ENPP2: variants seen among roughly 807,000 people sequenced by gnomAD.
ENPP2 encodes the protein autotaxin.
Under a neutral mutation model 120.2 loss-of-function variants are expected in ENPP2, and 51 were observed. The observed-to-expected ratio is 0.42, with a 90% CI of 0.34 to 0.54. The LOEUF is 0.54. ENPP2 is among the 20% of genes least tolerant of loss of function. The pLI is 0.04. For synonymous variants in ENPP2, 365 were observed against 366.4 expected, an observed-to-expected ratio of 1.00 and a Z score of 0.04; for missense variants, 920 against 1,066.5, an observed-to-expected ratio of 0.86 and a Z score of 1.91.
At chr8:119,654,135 G>C (rs1043472456) in intron 1 of ENPP2, among the ~76,000 whole-genome samples, 1 of 141,282 alleles carries the variant, frequency 7.1e-6, no homozygotes, top group Non-Finnish European at 1.5e-5. Flanking sequence ...ATTATATACA[G>C]AGATATAATA....
At chr8:119,584,115 T>A (rs1216255333) in intron 15 of ENPP2, 66 bp from the exon 16 acceptor site, 1 of 1,108,350 alleles carries the variant, frequency 9.0e-7, no homozygotes, top group Non-Finnish European at 1.4e-6. Context: ...AAAAGGTAAT[T>A]TCAGGGTACA....
intron 23 of ENPP2, among the ~76,000 whole-genome samples, chr8:119,564,444 G>A (rs764008566): frequency 5.3e-5 from 8 of 152,140 alleles, no homozygotes; most frequent in South Asian, 2.1e-4. Context: ...TTGGGAGGCC[G>A]AGGAGGGTAG....
In ENPP2 at chr8:119,652,154, T is replaced by C. The variant is rs141078139; in HGVS notation, c.22-13627A>G. Among the ~76,000 whole-genome samples the C allele has an allele frequency of 4.7e-4, 71 of 152,220 alleles. No individual in the cohort carries two copies. The East Asian group carries it at 0.013, about 28-fold the overall frequency. On this transcript the variant is annotated intron_variant, in intron 1 of 25. Coordinates refer to the ENPP2 transcript ENST00000427067. ...TGTGTCTGGTAAGGACCCCACTTCC[T>C]CATAGAAAGCTGTCTTCTCACTGTA...
intron 19 of ENPP2, among the ~76,000 whole-genome samples, chr8:119,577,337 G>T (rs555819425): frequency 2.0e-5 from 3 of 152,140 alleles, no homozygotes; most frequent in African/African-American, 7.2e-5. Context: ...CACATACATG[G>T]TGGTTCACAT....
chr8:119,645,815 CAA>C (rs57853579), intron 1 of ENPP2, among the ~76,000 whole-genome samples: 34 of 97,578 alleles, frequency 3.5e-4, no homozygotes, highest in Admixed American at 4.4e-4. Context: ...AACTCAATCT[CAA>C]AAAAAAAAAA....
At chr8:119,607,508 T>C (rs556138384) in intron 9 of ENPP2, among the ~76,000 whole-genome samples, 28 of 152,168 alleles carry the variant, frequency 1.8e-4, no homozygotes, top group Non-Finnish European at 3.7e-4. Context: ...ACCCTGTCTC[T>C]ACTAAAGATA....
intron 24 of ENPP2, among the ~76,000 whole-genome samples, chr8:119,560,569 A>T (rs990675367): frequency 9.9e-5 from 15 of 152,178 alleles, no homozygotes; most frequent in Admixed American, 3.3e-4. Flanking sequence ...ACTCCTGTGA[A>T]TCTTGCCTAA....
At chr8:119,613,392 C>T (rs1032270934) in intron 8 of ENPP2, among the ~76,000 whole-genome samples, 1 of 152,126 alleles carries the variant, frequency 6.6e-6, no homozygotes, top group Non-Finnish European at 1.5e-5. Context: ...TGTACAATTG[C>T]CTCATCCCAT....
rs112823095 is a variant in ENPP2, at chr8:119,582,465, A to G, written c.1681T>C (p.Ser561Pro). Residue 561 changes from serine to proline, a missense_variant, in exon 18 of 25, where the codon TCT (serine) becomes CCT (proline). Ser to Pro is a moderately conservative substitution (Grantham distance 74). Coordinates refer to ENST00000075322, the MANE Select transcript of ENPP2 (RefSeq NM_001040092.3). Reference sequence around the variant, plus strand: ...CAAGTGCAGCCCAGGTCAAAATCAGACTGAAGGTACATAATCCCTGGATAA... The same window carrying G: ...CAAGTGCAGCCCAGGTCAAAATCAGGCTGAAGGTACATAATCCCTGGATAA... ...PNYPGIMYLQ[S>P]DFDLGCTCDD... is the part of the protein sequence containing the mutation. 6.2e-7 allele frequency: 1 copy of G among 1,614,142 alleles called. No individual in the cohort carries two copies. The highest frequency in any genetic ancestry group is 8.5e-7 in the Non-Finnish European group (1 of 1,179,988).
At chr8:119,609,839 G>A (rs917840392) in intron 8 of ENPP2, among the ~76,000 whole-genome samples, 5 of 152,138 alleles carry the variant, frequency 3.3e-5, no homozygotes, top group Admixed American at 2.0e-4. Flanking sequence ...TGAAATTTAA[G>A]ATTAATATGG....
rs192795233 is a variant in ENPP2 at position 119,635,726 on chromosome 8, C to A, written c.136+2699G>T. ...ATAAGTAGCTTTTCTCATTTCATAT[C>A]TCCTAATAAATCTATAAATCTTTTA... On this transcript the variant is annotated intron_variant, in intron 2 of 24. Coordinates refer to ENST00000075322, the MANE Select transcript of ENPP2 (RefSeq NM_001040092.3). Among the ~76,000 whole-genome samples the A allele has an allele frequency of 1.1e-4, 16 of 152,310 alleles. No homozygotes were observed. The East Asian group carries it at 3.1e-3, about 29-fold the overall frequency.
chr8:119,570,018 C>T (rs940503777), intron 20 of ENPP2, among the ~76,000 whole-genome samples: 3 of 152,078 alleles, frequency 2.0e-5, no homozygotes, highest in Non-Finnish European at 4.4e-5. Flanking sequence ...CCTGTAATCC[C>T]AGCACTTTGG....
intron 5 of ENPP2, among the ~76,000 whole-genome samples, 181 bp from the exon 6 acceptor site, chr8:119,617,744 T>A (rs904479056): frequency 2.0e-5 from 3 of 151,918 alleles, no homozygotes; most frequent in African/African-American, 7.3e-5. Context: ...AGGTCAGGAG[T>A]TCGAGACCAG....
chr8:119,581,597 GA>G (rs1812741653), intron 18 of ENPP2, among the ~76,000 whole-genome samples: 1 of 152,026 alleles, frequency 6.6e-6, no homozygotes. Flanking sequence ...CCATGTTTTG[GA>G]AACTTACTCC....
intron 12 of ENPP2, among the ~76,000 whole-genome samples, chr8:119,591,032 A>G (rs1353463350): frequency 2.0e-5 from 3 of 150,792 alleles, no homozygotes; most frequent in East Asian, 1.9e-4. Context: ...GGTTGCATCA[A>G]ACTCTTCCCA....
chr8:119,604,067 G>A (rs112476122), intron 9 of ENPP2, among the ~76,000 whole-genome samples: 14 of 142,368 alleles, frequency 9.8e-5, no homozygotes, highest in Admixed American at 1.5e-4. Flanking sequence ...TTGCTCTGTC[G>A]CCTAGGCTGG....
intron 1 of ENPP2, among the ~76,000 whole-genome samples, chr8:119,659,320 T>TAAAAAAAAAAAAAAAAAAAAAAAAAAAA (rs750701293): frequency 4.6e-5 from 3 of 64,904 alleles, no homozygotes; most frequent in African/African-American, 9.6e-5. Flanking sequence ...CTGTCTCAAT[T>TAAAAAAAAAAAAAAAAAAAAAAAAAAAA]AAAAAAAAAA....
intron 11 of ENPP2, chr8:119,596,067 C>T: frequency 6.8e-7 from 1 of 1,472,152 alleles, no homozygotes; most frequent in South Asian, 1.2e-5. Context: ...AGATATAAAG[C>T]TTACACTTTC....
chr8:119,631,693 G>C (rs1816697158), intron 2 of ENPP2, among the ~76,000 whole-genome samples: 1 of 152,058 alleles, frequency 6.6e-6, no homozygotes, highest in Non-Finnish European at 1.5e-5. Context: ...CCTTTCCAGG[G>C]TCTATTCCGT....
Sources: allele counts gnomAD v4.1 joint callset (sites outside exome capture counted in the v4.1 genomes callset), GRCh38; gene constraint gnomAD v4.1.1; transcripts MANE v1.5; gene names NCBI Gene and HGNC (gene_info 2026-07-23, HGNC 2026-07-21).